Variants in FSTL5 observed in about 807,000 individuals in gnomAD.
FSTL5 encodes the protein follistatin like 5.
FSTL5 carries 62 observed loss-of-function variants against 89.1 expected under a neutral mutation model. The ratio of observed to expected loss-of-function variants is 0.70; its 90% CI spans 0.57 to 0.86. FSTL5 has a LOEUF of 0.86. Among genes scored for constraint, FSTL5 ranks in the 40% least tolerant of loss-of-function variants. The pLI is 0.00. For synonymous variants in FSTL5, 383 were observed against 346.2 expected, an observed-to-expected ratio of 1.11 and a Z score of -1.18; for missense variants, 1,057 against 1,001.6, an observed-to-expected ratio of 1.06 and a Z score of -0.75.
At chr4:161,929,463 A>G (rs28477780) in intron 3 of FSTL5, among the ~76,000 whole-genome samples, 39,540 of 151,590 alleles carry the variant, frequency 0.26, 6,139 homozygotes, top group Non-Finnish European at 0.34. Flanking sequence ...TTGCTTTGCC[A>G]TATAAACTTT....
chr4:161,769,920 C>A (rs1213191946), intron 5 of FSTL5, among the ~76,000 whole-genome samples: 4 of 151,074 alleles, frequency 2.6e-5, no homozygotes, highest in African/African-American at 9.7e-5. Flanking sequence ...AAAGACTCCA[C>A]CAAAAAAACT....
At chr4:161,911,872 T>C (rs1174456385) in intron 4 of FSTL5, among the ~76,000 whole-genome samples, 3 of 152,226 alleles carry the variant, frequency 2.0e-5, no homozygotes, top group South Asian at 4.1e-4. Flanking sequence ...CTTTATTTAA[T>C]GTAATTCCAT....
intron 3 of FSTL5, among the ~76,000 whole-genome samples, chr4:162,017,754 T>C (rs1263599950): frequency 1.3e-5 from 2 of 152,132 alleles, no homozygotes; most frequent in African/African-American, 4.8e-5. Context: ...TATATAAAGG[T>C]TTGATAAGTT....
intron 7 of FSTL5, among the ~76,000 whole-genome samples, chr4:161,607,860 A>G (rs182651267): frequency 6.6e-6 from 1 of 152,238 alleles, no homozygotes. Context: ...ATGTTTCCTT[A>G]AGCTATAGTG....
chr4:161,674,046 A>G lies in FSTL5; in HGVS notation c.728-17552T>C, dbSNP rs147734029. On this transcript the variant is annotated intron_variant, in intron 6 of 15. Coordinates refer to ENST00000306100, the MANE Select transcript of FSTL5 (RefSeq NM_020116.5). Reference sequence around the variant, plus strand: ...TGGGCTAGGTACTATTCAGCATACCATTAAAGGAAACAGAAGGGTTACTGC... The same window carrying G: ...TGGGCTAGGTACTATTCAGCATACCGTTAAAGGAAACAGAAGGGTTACTGC... 6.0e-3 allele frequency among the ~76,000 whole-genome samples: 918 copies of G among 152,186 alleles called. 9 individuals carry two copies. Among genetic ancestry groups the G allele is most frequent in the South Asian group, 0.045 (218 of 4,828 alleles).
chr4:162,078,598 A>G (rs879278158), intron 2 of FSTL5, among the ~76,000 whole-genome samples: 1 of 151,810 alleles, frequency 6.6e-6, no homozygotes, highest in African/African-American at 2.4e-5. Context: ...ACTATTCTCA[A>G]ATTTTGCTCA....
At chr4:161,478,015 C>T (rs1046531946) in intron 13 of FSTL5, among the ~76,000 whole-genome samples, 5 of 151,930 alleles carry the variant, frequency 3.3e-5, no homozygotes, top group Non-Finnish European at 5.9e-5. Context: ...AAATGATGCA[C>T]CTTGGATAGC....
At chr4:161,520,788 T>G (rs950675152) in intron 10 of FSTL5, among the ~76,000 whole-genome samples, 1 of 152,206 alleles carries the variant, frequency 6.6e-6, no homozygotes, top group African/African-American at 2.4e-5. Flanking sequence ...AATAATTTCT[T>G]TCATAAACAA....
At chr4:161,478,025 C>T (rs1369310284) in intron 13 of FSTL5, among the ~76,000 whole-genome samples, 5 of 152,106 alleles carry the variant, frequency 3.3e-5, no homozygotes, top group African/African-American at 1.2e-4. Flanking sequence ...CCTTGGATAG[C>T]TTCATATGCA....
chr4:161,567,507 T>C (rs557424669), intron 8 of FSTL5, among the ~76,000 whole-genome samples: 1 of 152,198 alleles, frequency 6.6e-6, no homozygotes, highest in South Asian at 2.1e-4. Context: ...CTCATGAGCA[T>C]TTTGTAACAT....
At position 161,539,312 on chromosome 4, in the gene FSTL5, T is replaced by C. The variant is rs186660801; in HGVS notation, c.1178-1012A>G. Among the ~76,000 whole-genome samples, 66 of 152,014 alleles carry C rather than the reference T, an allele frequency of 4.3e-4. No individual in the cohort carries two copies. In the East Asian group the frequency reaches 0.012, roughly 27 times the overall value. On this transcript the variant is annotated intron_variant, in intron 9 of 15. Coordinates refer to ENST00000306100, the MANE Select transcript of FSTL5 (RefSeq NM_020116.5). ...GACAGGTAGAAGGCAACGTAATCAG[T>C]GTGGTTTGGGAAAACAAGGGTAGAA...
intron 11 of FSTL5, among the ~76,000 whole-genome samples, chr4:161,503,870 GAT>G (rs1381493519): frequency 2.0e-5 from 3 of 152,126 alleles, no homozygotes; most frequent in Admixed American, 2.0e-4. Context: ...GAGGTGCAAT[GAT>G]ATGATTTTGG....
At chr4:161,843,350 C>T (rs144007589) in intron 4 of FSTL5, among the ~76,000 whole-genome samples, 20 of 152,158 alleles carry the variant, frequency 1.3e-4, no homozygotes, top group East Asian at 5.8e-4. Flanking sequence ...TAAATTACTT[C>T]GGGCAGTATG....
intron 6 of FSTL5, among the ~76,000 whole-genome samples, chr4:161,742,112 A>C (rs535461547): frequency 6.6e-6 from 1 of 151,826 alleles, no homozygotes; most frequent in South Asian, 2.1e-4. Flanking sequence ...TTTGTGAGTA[A>C]AAAAAAAGAA....
chr4:161,722,309 A>G (rs1481307161), intron 6 of FSTL5, among the ~76,000 whole-genome samples: 1 of 152,222 alleles, frequency 6.6e-6, no homozygotes, highest in African/African-American at 2.4e-5. Flanking sequence ...ATACTATTCA[A>G]AATTTGTCAT....
chr4:161,973,879 C>T (rs1279500494), intron 3 of FSTL5, among the ~76,000 whole-genome samples: 1 of 152,170 alleles, frequency 6.6e-6, no homozygotes, highest in Non-Finnish European at 1.5e-5. Flanking sequence ...AGCCCAAAAT[C>T]TCCTTAAGCT....
chr4:162,123,006 C>T (rs539485479), intron 1 of FSTL5, among the ~76,000 whole-genome samples: 7 of 152,092 alleles, frequency 4.6e-5, no homozygotes, highest in African/African-American at 1.7e-4. Flanking sequence ...AAGAATACAG[C>T]TCTTAGGACT....
At chr4:161,700,826 G>A (rs1195725474) in intron 6 of FSTL5, among the ~76,000 whole-genome samples, 1 of 152,070 alleles carries the variant, frequency 6.6e-6, no homozygotes, top group African/African-American at 2.4e-5. Context: ...TTTTTATAAT[G>A]CATATGGCAT....
chr4:161,716,085 C>T (rs1738970091), intron 6 of FSTL5, among the ~76,000 whole-genome samples: 1 of 152,128 alleles, frequency 6.6e-6, no homozygotes, highest in African/African-American at 2.4e-5. Flanking sequence ...TGACAAAATT[C>T]CCCCACCACC....
Sources: gnomAD v4.1 joint callset for allele counts (sites outside exome capture counted in the v4.1 genomes callset) on GRCh38, gnomAD v4.1.1 for gene constraint, MANE v1.5 for transcripts, NCBI Gene and HGNC (gene_info 2026-07-23, HGNC 2026-07-21) for gene names.